RGS3: variants seen among roughly 807,000 people sequenced by gnomAD.
The protein encoded by RGS3 is regulator of G protein signaling 3.
Under a neutral mutation model 132.6 loss-of-function variants are expected in RGS3, and 80 were observed. That is an observed-to-expected ratio of 0.60 (90% CI 0.50 to 0.73). RGS3 has a LOEUF of 0.73. Ranked by LOEUF, RGS3 falls within the 30% of genes least tolerant of loss-of-function variation. The probability of loss-of-function intolerance (pLI) is 0.00; values close to 1 mark genes in which losing one functional copy is unlikely to be tolerated. For missense variants in RGS3, 1,382 were observed against 1,530.8 expected, an observed-to-expected ratio of 0.90 and a Z score of 1.62; for synonymous variants, 598 against 620.6, an observed-to-expected ratio of 0.96 and a Z score of 0.54.
intron 17 of RGS3, among the ~76,000 whole-genome samples, chr9:113,523,609 G>A (rs1347584094): frequency 6.6e-6 from 1 of 152,086 alleles, no homozygotes; most frequent in East Asian, 1.9e-4. Flanking sequence ...AGGCACATGT[G>A]GGAGCGTGGA....
Position 113,507,519 on chromosome 9 carries a change from G to A in RGS3, c.1318G>A (p.Glu440Lys). 2 of 1,608,738 alleles carry A rather than the reference G, an allele frequency of 1.2e-6. No homozygotes were observed. Among genetic ancestry groups the A allele is most frequent in the Non-Finnish European group, 1.7e-6 (2 of 1,177,670 alleles). ...TGATGGGCTGCTGCTCGGCGGCTGG[G>A]AGCGCTACACCGAGGTGGCCAAGCG... is the stretch of plus-strand genomic sequence containing the variant. Residue 440 changes from glutamate (E) to lysine (K), a missense_variant, in exon 13 of 25, where the codon GAG (glutamate) becomes AAG (lysine). Glu to Lys is a moderately conservative substitution (Grantham distance 56, BLOSUM62 1). Transcript: ENST00000350696. The surrounding 1 kb of genome is among the most constrained non-coding windows in gnomAD (Gnocchi z 5.0).
intron 19 of RGS3, among the ~76,000 whole-genome samples, chr9:113,566,685 G>C (rs1179571981): frequency 6.6e-6 from 1 of 152,214 alleles, no homozygotes; most frequent in Non-Finnish European, 1.5e-5. Flanking sequence ...GACCTGAGAG[G>C]CTTGGTACAC....
intron 19 of RGS3, among the ~76,000 whole-genome samples, chr9:113,562,532 A>G (rs1348807569): frequency 1.3e-5 from 2 of 152,134 alleles, no homozygotes; most frequent in East Asian, 3.8e-4. Context: ...GATTCAATCA[A>G]TCAGTCCATC....
At chr9:113,564,250 C>T (rs532592453) in intron 19 of RGS3, among the ~76,000 whole-genome samples, 30 of 152,310 alleles carry the variant, frequency 2.0e-4, no homozygotes, top group Admixed American at 1.9e-3. Context: ...ACTTCCTTTG[C>T]CATTCTGTAC....
At position 113,514,692 on chromosome 9, in the gene RGS3, G is replaced by A. The variant is rs1402297363; in HGVS notation, c.1674+38G>A. The A allele has an allele frequency of 1.9e-6, 3 of 1,600,662 alleles. No individual in the cohort carries two copies. The East Asian group carries it at 6.7e-5, about 36-fold the overall frequency. On this transcript the variant is annotated intron_variant, in intron 15 of 24. Transcript: ENST00000350696. ...CTGGTCTTAAAGGTTCCCTCAGGAG[G>A]AACGGAGAAAGAGGAGGGCCCTTGC...
At chr9:113,447,360 T>G (rs1461695460) in intron 1 of RGS3, among the ~76,000 whole-genome samples, 1 of 122,344 alleles carries the variant, frequency 8.2e-6, no homozygotes, top group African/African-American at 2.9e-5. Flanking sequence ...TATATATATA[T>G]AGGCAAGGGT....
At chr9:113,505,699 A>G (rs1831099642) in intron 11 of RGS3, among the ~76,000 whole-genome samples, 176 bp downstream of exon 9, 2 of 152,214 alleles carry the variant, frequency 1.3e-5, no homozygotes, top group African/African-American at 4.8e-5. Context: ...TTATGAAAAT[A>G]TGCCCACTTT....
At chr9:113,514,844 C>G (rs1322694662) in intron 15 of RGS3, among the ~76,000 whole-genome samples, 190 bp downstream of exon 13, 1 of 152,146 alleles carries the variant, frequency 6.6e-6, no homozygotes, top group East Asian at 1.9e-4. Context: ...GGGAGATACA[C>G]AGGAAAAAGT....
chr9:113,574,229 G>A (rs1253137408), intron 19 of RGS3, among the ~76,000 whole-genome samples: 2 of 152,136 alleles, frequency 1.3e-5, no homozygotes, highest in Admixed American at 1.3e-4. Flanking sequence ...TCAGGGTAAC[G>A]TTGGAATTCC....
intron 3 of RGS3, 137 bp downstream of exon 1, chr9:113,464,018 C>A: frequency 1.2e-6 from 1 of 866,148 alleles, no homozygotes; most frequent in Non-Finnish European, 1.8e-6. Flanking sequence ...TGGCCCCTTT[C>A]TCCTGTGACT....
chr9:113,559,099 T>C (rs766848892), intron 19 of RGS3, among the ~76,000 whole-genome samples: 9 of 152,222 alleles, frequency 5.9e-5, no homozygotes, highest in Admixed American at 2.0e-4. Flanking sequence ...AGCCCAACAG[T>C]CCAAACAGTG....
At chr9:113,549,523 G>A (rs1259840381) in intron 19 of RGS3, among the ~76,000 whole-genome samples, 1 of 151,922 alleles carries the variant, frequency 6.6e-6, no homozygotes, top group African/African-American at 2.4e-5. Context: ...TGTTTATTAT[G>A]AAGAAAACAT....
rs1564628655 is a variant in RGS3, at chr9:113,595,603, G to T, written c.3249G>T (p.Gly1083=). The stretch of plus-strand genomic sequence containing the variant: ...CAGGATCCGTTCTCCTCACAGACGG[G>T]TTAGCAGTGTTCCAAGCCTTCCTTC... Residue 1083 remains glycine (G), a synonymous_variant, in exon 24 of 25, where the codon GGG becomes GGT. Transcript: ENST00000350696. 3 of 1,614,148 alleles carry T rather than the reference G, an allele frequency of 1.9e-6. No homozygotes were observed. The South Asian group carries it at 3.3e-5, about 18-fold the overall frequency.
chr9:113,528,640 A>G (rs1272051684), intron 17 of RGS3, among the ~76,000 whole-genome samples: 2 of 152,036 alleles, frequency 1.3e-5, no homozygotes, highest in African/African-American at 4.8e-5. Flanking sequence ...GAGTTAGTGA[A>G]TGGTTGCAAC....
chr9:113,479,223 G>A (rs1830085292), intron 3 of RGS3: 1 of 460,996 alleles, frequency 2.2e-6, no homozygotes, highest in Non-Finnish European at 3.9e-6. Flanking sequence ...CATCCACCTG[G>A]CTGCCTGTAC....
chr9:113,575,006 G>A (rs760590950), intron 19 of RGS3, among the ~76,000 whole-genome samples: 23 of 152,180 alleles, frequency 1.5e-4, no homozygotes, highest in East Asian at 1.9e-4. Flanking sequence ...CAAAGACTAC[G>A]AGTCCACCCA....
chr9:113,461,953 A>C, intron 2 of RGS3: 1 of 1,594,104 alleles, frequency 6.3e-7, no homozygotes, highest in East Asian at 2.2e-5. Flanking sequence ...TCCTACTGGG[A>C]GTGAACACAC....
intron 1 of RGS3, among the ~76,000 whole-genome samples, chr9:113,460,699 A>G (rs1355413256): frequency 1.3e-5 from 2 of 152,142 alleles, no homozygotes; most frequent in Admixed American, 6.5e-5. Flanking sequence ...ATTATTTAAC[A>G]CCATTTAACA....
chr9:113,540,222 G>A (rs762894938), intron 19 of RGS3, among the ~76,000 whole-genome samples: 10 of 152,092 alleles, frequency 6.6e-5, no homozygotes, highest in Admixed American at 2.0e-4. Flanking sequence ...GGACTGCTGC[G>A]AGGCTTCTAA....
Sources: gnomAD v4.1 joint callset for allele counts (sites outside exome capture counted in the v4.1 genomes callset) on GRCh38, gnomAD v4.1.1 for gene constraint, Gnocchi (gnomAD v3.1) non-coding constraint, MANE v1.5 for transcripts, NCBI Gene and HGNC (gene_info 2026-07-23, HGNC 2026-07-21) for gene names.